Variants in RALGPS2 observed in about 807,000 individuals in gnomAD.
The protein encoded by RALGPS2 is ras-specific guanine nucleotide-releasing factor RalGPS2.
RALGPS2 carries 43 observed loss-of-function variants against 86.8 expected under a neutral mutation model. The ratio of observed to expected loss-of-function variants is 0.50; its 90% CI spans 0.39 to 0.64. The LOEUF (loss-of-function observed/expected upper bound fraction) is 0.64. RALGPS2 is among the 30% of genes least tolerant of loss of function. RALGPS2 has a pLI of 0.00. For missense variants in RALGPS2, 536 were observed against 694.6 expected, an observed-to-expected ratio of 0.77 and a Z score of 2.57; for synonymous variants, 243 against 231.3, an observed-to-expected ratio of 1.05 and a Z score of -0.46.
intron 8 of RALGPS2, chr1:178,853,536 T>C: frequency 7.6e-7 from 1 of 1,319,298 alleles, no homozygotes; most frequent in Non-Finnish European, 1.0e-6. Context: ...TCTTGTTTCT[T>C]GCATTATTGC....
chr1:178,865,608 C>G lies in RALGPS2; in HGVS notation c.608-11890C>G, dbSNP rs773548423. 19 of 1,613,882 alleles carry G rather than the reference C, an allele frequency of 1.2e-5. No individual in the cohort carries two copies. In the East Asian group the frequency reaches 2.7e-4, roughly 23 times the overall value. On this transcript the variant is annotated intron_variant, in intron 8 of 19. Transcript: ENST00000367635. Reference sequence around the variant, plus strand: ...CAGATTGGCCCTGTTATTCTTTGTTCAGGTACCAGGAATGTGTATGCACAT... The same window carrying G: ...CAGATTGGCCCTGTTATTCTTTGTTGAGGTACCAGGAATGTGTATGCACAT...
chr1:178,775,307 C>G (rs1253241309), intron 1 of RALGPS2, among the ~76,000 whole-genome samples: 1 of 152,078 alleles, frequency 6.6e-6, no homozygotes, highest in Non-Finnish European at 1.5e-5. Context: ...GCTTTTAAAT[C>G]ACTATATCCT....
chr1:178,851,282 C>T lies in RALGPS2; in HGVS notation c.607+17732C>T, dbSNP rs1657156836. On this transcript the variant is annotated intron_variant, in intron 8 of 19. Transcript: ENST00000367635. ...GGTTAGAATGTGCACAGGCATTGTACCACCAGCCTCCTTTATGAAAGTGGG... is the reference window on the plus strand; with the variant it reads ...GGTTAGAATGTGCACAGGCATTGTATCACCAGCCTCCTTTATGAAAGTGGG... 3 of 1,611,696 alleles carry T rather than the reference C, an allele frequency of 1.9e-6. No homozygotes were observed. The African/African-American group carries it at 4.0e-5, about 22-fold the overall frequency.
At chr1:178,774,541 A>G (rs546091168) in intron 1 of RALGPS2, among the ~76,000 whole-genome samples, 2 of 152,338 alleles carry the variant, frequency 1.3e-5, no homozygotes, top group East Asian at 3.9e-4. Flanking sequence ...TTTGAAAAAT[A>G]TTTTGCAAAC....
At chr1:178,800,768 G>C (rs1208165328) in intron 4 of RALGPS2, among the ~76,000 whole-genome samples, 4 of 152,032 alleles carry the variant, frequency 2.6e-5, no homozygotes, top group South Asian at 2.1e-4. Flanking sequence ...TTGTTTAAGG[G>C]TCAACTGTAT....
At chr1:178,897,128 A>G (rs568638145) in intron 16 of RALGPS2, among the ~76,000 whole-genome samples, 327 of 152,168 alleles carry the variant, frequency 2.1e-3, no homozygotes, top group Non-Finnish European at 3.3e-3. Flanking sequence ...TGGGCGAAGG[A>G]CATGAACAGA....
chr1:178,799,459 A>G (rs1654364077), intron 4 of RALGPS2, among the ~76,000 whole-genome samples: 1 of 152,096 alleles, frequency 6.6e-6, no homozygotes, highest in Non-Finnish European at 1.5e-5. Context: ...GGCTAACTCT[A>G]CTGTTTTGTG....
chr1:178,765,238 C>T (rs1359735983), intron 1 of RALGPS2, among the ~76,000 whole-genome samples: 1 of 151,826 alleles, frequency 6.6e-6, no homozygotes, highest in East Asian at 1.9e-4. Flanking sequence ...GAATTTCAGC[C>T]CCCAATATTT....
chr1:178,916,272 G>T, intron 19 of RALGPS2, 58 bp from the exon 20 acceptor site: 2 of 1,390,584 alleles, frequency 1.4e-6, no homozygotes, highest in Non-Finnish European at 2.0e-6. Context: ...GGAAAGATAA[G>T]AAATACTCCT....
chr1:178,917,653 A>G lies in RALGPS2; in HGVS notation c.*1294A>G, dbSNP rs1191959829. On this transcript the variant is annotated 3_prime_UTR_variant, in exon 20 of 20. Coordinates refer to ENST00000367635, the MANE Select transcript of RALGPS2 (RefSeq NM_152663.5). ...ACCGTATTTTGTCAGTAGTTGACCA[A>G]GCAGTTTTATGAGAACTCTTCTATG... 6.6e-6 allele frequency: 1 copy of G among 152,198 alleles called. No individual in the cohort carries two copies. The highest frequency in any genetic ancestry group is 2.4e-5 in the African/African-American group (1 of 41,444). 9.4% of individuals were successfully genotyped at this position (152,198 alleles called of 1,614,324 possible).
intron 8 of RALGPS2, among the ~76,000 whole-genome samples, chr1:178,869,939 A>G (rs1336353403): frequency 6.6e-6 from 1 of 152,090 alleles, no homozygotes; most frequent in Non-Finnish European, 1.5e-5. Flanking sequence ...ATTTCTACCT[A>G]AAATATTACA....
chr1:178,918,663 G>A lies in RALGPS2; in HGVS notation c.*2304G>A, dbSNP rs192820994. On this transcript the variant is annotated 3_prime_UTR_variant, in exon 20 of 20. Transcript: ENST00000367635. ...TAAATTTCTTAACAGCACAGAAGTC[G>A]TTGTTTTTCTGTCTTTAAAATTTAT... The A allele has an allele frequency of 2.4e-3, 370 of 152,124 alleles. 1 individual carries two copies. The highest frequency in any genetic ancestry group is 8.5e-3 in the African/African-American group (351 of 41,526). 9.4% of individuals were successfully genotyped at this position (152,124 alleles called of 1,614,324 possible). A position where few individuals can be genotyped will look rare whatever the true frequency, so the allele number is the denominator to read the frequency against.
At chr1:178,731,178 A>G (rs1650323638) in intron 1 of RALGPS2, among the ~76,000 whole-genome samples, 2 of 151,068 alleles carry the variant, frequency 1.3e-5, no homozygotes, top group Non-Finnish European at 2.9e-5. Flanking sequence ...CTACCTTGAC[A>G]CCTGGTTGAT....
chr1:178,854,010 T>C (rs184098330), intron 8 of RALGPS2, among the ~76,000 whole-genome samples: 88 of 152,226 alleles, frequency 5.8e-4, no homozygotes, highest in Non-Finnish European at 2.9e-5. Context: ...CATATATGTA[T>C]TTTTTATATT....
At chr1:178,769,066 C>T (rs956231329) in intron 1 of RALGPS2, among the ~76,000 whole-genome samples, 5 of 149,848 alleles carry the variant, frequency 3.3e-5, no homozygotes, top group Admixed American at 2.0e-4. Flanking sequence ...ACCCCTGCAC[C>T]TGGATCTCTG....
chr1:178,802,192 T>C (rs1654509888), intron 4 of RALGPS2, among the ~76,000 whole-genome samples: 1 of 151,022 alleles, frequency 6.6e-6, no homozygotes, highest in South Asian at 2.1e-4. Context: ...ATGTTATATA[T>C]ATTATATAAT....
intron 1 of RALGPS2, among the ~76,000 whole-genome samples, chr1:178,758,121 AT>A (rs1652045584): frequency 6.6e-6 from 1 of 152,004 alleles, no homozygotes. Context: ...TTTCTGTGGA[AT>A]TGGTTGTAAT....
intron 7 of RALGPS2, among the ~76,000 whole-genome samples, chr1:178,826,587 TA>T (rs1260594888): frequency 2.0e-5 from 3 of 152,146 alleles, no homozygotes; most frequent in Non-Finnish European, 4.4e-5. Context: ...ATTTAATGGA[TA>T]TGGAGTTTCA....
At chr1:178,793,533 C>T (rs1200786527) in intron 4 of RALGPS2, among the ~76,000 whole-genome samples, 2 of 151,710 alleles carry the variant, frequency 1.3e-5, no homozygotes, top group Admixed American at 6.6e-5. Context: ...AGCCACCATG[C>T]CCAGCCCGGG....
Sources: gnomAD v4.1 joint callset for allele counts (sites outside exome capture counted in the v4.1 genomes callset) on GRCh38, gnomAD v4.1.1 for gene constraint, MANE v1.5 for transcripts, NCBI Gene and HGNC (gene_info 2026-07-23, HGNC 2026-07-21) for gene names.